PCBP3: variants seen among roughly 807,000 people sequenced by gnomAD.
The protein encoded by PCBP3 is poly(rC) binding protein 3, also known as poly(rC)-binding protein 3.
Under a neutral mutation model 52.7 loss-of-function variants are expected in PCBP3, and 25 were observed. That is an observed-to-expected ratio of 0.47 (90% CI 0.35 to 0.66). The LOEUF (loss-of-function observed/expected upper bound fraction) is 0.66. Ranked by LOEUF, PCBP3 falls within the 30% of genes least tolerant of loss-of-function variation. PCBP3 has a pLI of 0.01. For missense variants in PCBP3, 391 were observed against 490.3 expected, an observed-to-expected ratio of 0.80 and a Z score of 1.91; for synonymous variants, 162 against 183.0, an observed-to-expected ratio of 0.89 and a Z score of 0.93.
rs73380682 is a variant in PCBP3, at chr21:45,853,496, G to A, written c.10+3401G>A. 0.022 allele frequency among the ~76,000 whole-genome samples: 3,279 copies of A among 152,338 alleles called. 133 individuals are homozygous for A. Among genetic ancestry groups the A allele is most frequent in the African/African-American group, 0.074 (3,055 of 41,564 alleles). ...ACAGTCCACAGGGTGGGAGCAGCCC[G>A]AGCAAGCAGCTCACGGGCCCCAGCG... On this transcript the variant is annotated intron_variant, in intron 5 of 17. Transcript: ENST00000681687. The surrounding 1 kb of genome is among the most constrained non-coding windows in gnomAD (Gnocchi z 4.6).
chr21:45,902,637 A>C (rs1382460965), intron 9 of PCBP3, among the ~76,000 whole-genome samples: 1 of 152,232 alleles, frequency 6.6e-6, no homozygotes, highest in Non-Finnish European at 1.5e-5. Context: ...TGAGACCAAG[A>C]GCGCCGTTAC....
chr21:45,774,828 T>C lies in PCBP3; in HGVS notation c.-126+19376T>C, dbSNP rs376910839. On this transcript the variant is annotated intron_variant, in intron 4 of 17. Coordinates refer to ENST00000681687, the MANE Select transcript of PCBP3 (RefSeq NM_001384156.1). Reference sequence around the variant, plus strand: ...GATATATCATGTTTATTGATTTCTGTATGTTAAACCATACTTGTATTCCTG... The same window carrying C: ...GATATATCATGTTTATTGATTTCTGCATGTTAAACCATACTTGTATTCCTG... Among the ~76,000 whole-genome samples the C allele has an allele frequency of 2.6e-5, 4 of 152,236 alleles. No individual in the cohort carries two copies. In the East Asian group the frequency reaches 5.8e-4, roughly 22 times the overall value.
At chr21:45,914,457 C>T (rs552288998) in intron 12 of PCBP3, 16 of 329,604 alleles carry the variant, frequency 4.9e-5, no homozygotes, top group Non-Finnish European at 6.1e-5. Context: ...CAGGGACGTG[C>T]GAGAGGAGGG....
intron 10 of PCBP3, among the ~76,000 whole-genome samples, chr21:45,910,014 GACCTGGC>G (rs2096328613): frequency 1.6e-5 from 1 of 63,602 alleles, no homozygotes; most frequent in Non-Finnish European, 2.9e-5. Context: ...CCCAAATATG[GACCTGGC>G]CCACCCACTG....
intron 5 of PCBP3, among the ~76,000 whole-genome samples, chr21:45,876,683 C>T (rs1292275289): frequency 6.6e-6 from 1 of 152,250 alleles, no homozygotes; most frequent in East Asian, 1.9e-4. Flanking sequence ...TCTGCCCTGT[C>T]ATTTCCGCCG....
intron 2 of PCBP3, among the ~76,000 whole-genome samples, chr21:45,706,166 C>T (rs1474466081): frequency 6.6e-6 from 1 of 152,228 alleles, no homozygotes; most frequent in African/African-American, 2.4e-5. Context: ...GTCTTCTCTA[C>T]TCTGACTACA....
At chr21:45,815,849 A>G (rs1311253281) in intron 4 of PCBP3, among the ~76,000 whole-genome samples, 1 of 83,312 alleles carries the variant, frequency 1.2e-5, no homozygotes, top group African/African-American at 5.3e-5. Context: ...GTGAGTGATG[A>G]GTGAGTGGTG....
At chr21:45,645,835 G>A (rs576463046) in intron 1 of PCBP3, among the ~76,000 whole-genome samples, 1 of 152,218 alleles carries the variant, frequency 6.6e-6, no homozygotes. Flanking sequence ...TTTAGTAGAT[G>A]TAAGTTGTGT....
intron 4 of PCBP3, chr21:45,832,495 G>A (rs1187678394): frequency 6.6e-6 from 1 of 152,188 alleles, no homozygotes; most frequent in Non-Finnish European, 1.5e-5. Flanking sequence ...ACGCCTCTGA[G>A]TGTCAGAACT....
chr21:45,809,635 T>C (rs1414187537), intron 4 of PCBP3, among the ~76,000 whole-genome samples: 1 of 152,190 alleles, frequency 6.6e-6, no homozygotes, highest in East Asian at 1.9e-4. Flanking sequence ...GCTTCCCCCC[T>C]GCCGCTGCCA....
intron 4 of PCBP3, among the ~76,000 whole-genome samples, chr21:45,814,731 G>T (rs1327461239): frequency 8.2e-6 from 1 of 121,998 alleles, no homozygotes; most frequent in Non-Finnish European, 1.7e-5. Flanking sequence ...GTGGTGAGTG[G>T]TGAGTGAGTG....
intron 4 of PCBP3, among the ~76,000 whole-genome samples, chr21:45,816,935 G>C (rs928209968): frequency 4.1e-4 from 62 of 152,136 alleles, no homozygotes; most frequent in African/African-American, 1.3e-3. Context: ...CCACAGGCGT[G>C]GGGGGAGCCA....
In PCBP3 at chr21:45,904,416, A is replaced by G. The variant is rs1456100889; in HGVS notation, c.339+3303A>G. Reference sequence around the variant, plus strand: ...CATCTTTTGGTCCTTTGGTTTTTCCAGAAGACTGTGGATGCTCAGGAAGCT... The same window carrying G: ...CATCTTTTGGTCCTTTGGTTTTTCCGGAAGACTGTGGATGCTCAGGAAGCT... On this transcript the variant is annotated intron_variant, in intron 9 of 17. Transcript: ENST00000681687. This position sits in a 1 kb window ranked among gnomAD's most constrained non-coding sequence, Gnocchi z 4.8. Among the ~76,000 whole-genome samples the G allele has an allele frequency of 6.6e-6, 1 of 152,202 alleles. No homozygotes were observed. The highest frequency in any genetic ancestry group is 6.5e-5 in the Admixed American group (1 of 15,280).
intron 4 of PCBP3, among the ~76,000 whole-genome samples, chr21:45,809,262 A>G (rs1391627008): frequency 6.6e-6 from 1 of 152,218 alleles, no homozygotes; most frequent in Non-Finnish European, 1.5e-5. Context: ...TAAATATTGG[A>G]CGACTTATTG....
chr21:45,759,513 T>C (rs1422065746), intron 4 of PCBP3, among the ~76,000 whole-genome samples: 1 of 152,258 alleles, frequency 6.6e-6, no homozygotes, highest in Non-Finnish European at 1.5e-5. Flanking sequence ...GTTCTTACTC[T>C]GTACTTCTCA....
At chr21:45,781,814 T>C (rs187601721) in intron 4 of PCBP3, among the ~76,000 whole-genome samples, 7 of 152,366 alleles carry the variant, frequency 4.6e-5, no homozygotes, top group Admixed American at 3.9e-4. Context: ...AACATTTCAA[T>C]TTGCATATTT....
chr21:45,681,589 T>C (rs953104928), intron 2 of PCBP3, among the ~76,000 whole-genome samples: 3 of 152,190 alleles, frequency 2.0e-5, no homozygotes, highest in Admixed American at 6.5e-5. Flanking sequence ...TTCACCATCA[T>C]AAAATAAAAA....
intron 1 of PCBP3, among the ~76,000 whole-genome samples, chr21:45,666,046 A>T (rs1346611020): frequency 1.3e-5 from 2 of 152,236 alleles, no homozygotes; most frequent in African/African-American, 2.4e-5. Flanking sequence ...ATAGATGCAG[A>T]AAAAGCATTT....
At chr21:45,913,854 C>T in intron 11 of PCBP3, 97 bp from the exon 12 acceptor site, 1 of 1,133,578 alleles carries the variant, frequency 8.8e-7, no homozygotes, top group South Asian at 1.4e-5. Context: ...GGAGCTGGTG[C>T]AGGGGGCTGA....
Sources: gnomAD v4.1 joint callset for allele counts (sites outside exome capture counted in the v4.1 genomes callset) on GRCh38, gnomAD v4.1.1 for gene constraint, Gnocchi (gnomAD v3.1) non-coding constraint, MANE v1.5 for transcripts, NCBI Gene and HGNC (gene_info 2026-07-23, HGNC 2026-07-21) for gene names.